Variants in KLHL29 observed in about 807,000 individuals in gnomAD.
KLHL29 encodes the protein kelch-like protein 29.
Under a neutral mutation model 80.4 loss-of-function variants are expected in KLHL29, and 21 were observed. The observed-to-expected ratio is 0.26, with a 90% CI of 0.19 to 0.38. The LOEUF is 0.38. KLHL29 is among the 10% of genes least tolerant of loss of function. The pLI, the probability that KLHL29 is intolerant of heterozygous loss-of-function variation, is 1.00. For synonymous variants in KLHL29, 511 were observed against 526.8 expected, an observed-to-expected ratio of 0.97 and a Z score of 0.41; for missense variants, 867 against 1,223.9, an observed-to-expected ratio of 0.71 and a Z score of 4.35.
chr2:23,508,660 G>A (rs1331891129), intron 2 of KLHL29, among the ~76,000 whole-genome samples: 2 of 152,222 alleles, frequency 1.3e-5, no homozygotes, highest in East Asian at 1.9e-4. Flanking sequence ...CGGGATCCCC[G>A]CATCTTGCAG....
intron 3 of KLHL29, among the ~76,000 whole-genome samples, chr2:23,635,519 G>C (rs953692641): frequency 2.0e-5 from 3 of 152,230 alleles, no homozygotes; most frequent in Admixed American, 2.0e-4. Flanking sequence ...AGCTTCAACC[G>C]TAGAGGCCCT....
rs1572460125 is a variant in KLHL29 at position 23,642,549 on chromosome 2, A to G, written c.639A>G (p.Pro213=). The G allele has an allele frequency of 1.3e-6, 2 of 1,542,508 alleles. No individual in the cohort carries two copies. Among genetic ancestry groups the G allele is most frequent in the South Asian group, 1.2e-5 (1 of 83,730 alleles). Residue 213 remains proline, a synonymous_variant, in exon 5 of 14, where the codon CCA becomes CCG. Coordinates refer to ENST00000486442, the MANE Select transcript of KLHL29 (RefSeq NM_052920.2). The part of the protein sequence containing the change: ...HYSLPQPPSQ[P]LSSVVVNMPA... ...CGCTCCCTCAGCCGCCCTCTCAGCC[A>G]CTGAGCAGCGTGGTGGTCAACATGC...
At chr2:23,553,500 A>G (rs1254685382) in intron 2 of KLHL29, among the ~76,000 whole-genome samples, 2 of 152,172 alleles carry the variant, frequency 1.3e-5, no homozygotes, top group Admixed American at 6.5e-5. Context: ...GCTGGCACCT[A>G]CACGTGGCCC....
intron 3 of KLHL29, among the ~76,000 whole-genome samples, chr2:23,636,456 A>G (rs978984028): frequency 2.0e-5 from 3 of 152,060 alleles, no homozygotes; most frequent in Admixed American, 2.0e-4. Context: ...ATACATAAGA[A>G]ATTGCTTGTA....
At chr2:23,429,543 C>T (rs893313282) in intron 1 of KLHL29, among the ~76,000 whole-genome samples, 14 of 152,026 alleles carry the variant, frequency 9.2e-5, no homozygotes, top group African/African-American at 3.1e-4. Flanking sequence ...ACCTGAGGTC[C>T]GGAGTTTGAG....
intron 1 of KLHL29, among the ~76,000 whole-genome samples, chr2:23,456,668 A>G (rs960371475): frequency 5.3e-5 from 8 of 152,186 alleles, no homozygotes; most frequent in African/African-American, 1.9e-4. Flanking sequence ...TTCCTGCCAC[A>G]TTGCACGCTT....
chr2:23,620,277 T>G (rs1022816551), intron 3 of KLHL29, among the ~76,000 whole-genome samples: 1 of 152,164 alleles, frequency 6.6e-6, no homozygotes, highest in Admixed American at 6.5e-5. Context: ...ACTCGATCCC[T>G]TCGACAATGG....
At chr2:23,600,751 G>A (rs1172294005) in intron 3 of KLHL29, among the ~76,000 whole-genome samples, 1 of 152,218 alleles carries the variant, frequency 6.6e-6, no homozygotes, top group Non-Finnish European at 1.5e-5. Context: ...ATCAGGTTGG[G>A]AGAGGGGAAA....
intron 1 of KLHL29, among the ~76,000 whole-genome samples, chr2:23,427,526 G>A (rs925029901): frequency 6.6e-6 from 1 of 152,160 alleles, no homozygotes; most frequent in Non-Finnish European, 1.5e-5. Context: ...GGCCACATCC[G>A]TGTTTATTAG....
rs149967685 is a variant in KLHL29 at position 23,691,985 on chromosome 2, C to T, written c.1282+109C>T. 8.4e-5 allele frequency: 91 copies of T among 1,084,796 alleles called. No individual in the cohort carries two copies. The African/African-American group carries it at 1.3e-3, about 15-fold the overall frequency. The allele number at this position is 1,084,796 out of a possible 1,614,324, so 67.2% of individuals were successfully genotyped here. On this transcript the variant is annotated intron_variant, in intron 7 of 13. Coordinates refer to ENST00000486442, the MANE Select transcript of KLHL29 (RefSeq NM_052920.2). ...GAGGTCTGTGTGTGCACACCTGAAG[C>T]TCCCTCACATGTGGCTGAGTTTGGC...
intron 2 of KLHL29, among the ~76,000 whole-genome samples, chr2:23,541,413 T>C (rs899469995): frequency 1.3e-5 from 2 of 152,214 alleles, no homozygotes; most frequent in African/African-American, 4.8e-5. Context: ...GCCTGTCTTA[T>C]GGTCTCAGAT....
chr2:23,574,284 G>C (rs994987121), intron 3 of KLHL29, among the ~76,000 whole-genome samples: 1 of 152,136 alleles, frequency 6.6e-6, no homozygotes, highest in Non-Finnish European at 1.5e-5. Context: ...GCTGCTAGGA[G>C]TGATGAAAAG....
chr2:23,451,668 C>T (rs725507), intron 1 of KLHL29, among the ~76,000 whole-genome samples: 16,941 of 152,132 alleles, frequency 0.11, 1,910 homozygotes, highest in East Asian at 0.29. Flanking sequence ...AGGTGGGAGA[C>T]GGAGGGATTT....
At chr2:23,704,557 AG>A (rs1672596971) in intron 13 of KLHL29, among the ~76,000 whole-genome samples, 1 of 152,242 alleles carries the variant, frequency 6.6e-6, no homozygotes, top group African/African-American at 2.4e-5. Context: ...AGTTGAGATC[AG>A]GAGTTCAAGA....
intron 5 of KLHL29, among the ~76,000 whole-genome samples, chr2:23,676,546 T>G (rs1195539121): frequency 6.6e-6 from 1 of 152,206 alleles, no homozygotes; most frequent in African/African-American, 2.4e-5. Context: ...ATCCCAATGC[T>G]TTGAGAAGCC....
rs1424289264 is a variant in KLHL29, at chr2:23,669,864, G to A, written c.941-14535G>A. On this transcript the variant is annotated intron_variant, in intron 5 of 13. Transcript: ENST00000486442. The surrounding 1 kb of genome is among the most constrained non-coding windows in gnomAD (Gnocchi z 4.3). ...TTGGATTTGTAAAAACAGGGCCGTG[G>A]TATTATCACAGAATCTGGTAGGTTC... Among the ~76,000 whole-genome samples, 1 of 152,154 alleles carries A rather than the reference G, an allele frequency of 6.6e-6. No individual in the cohort carries two copies. Among genetic ancestry groups the A allele is most frequent in the African/African-American group, 2.4e-5 (1 of 41,422 alleles).
chr2:23,706,788 C>T lies in KLHL29; in HGVS notation c.*124C>T. On this transcript the variant is annotated 3_prime_UTR_variant, in exon 14 of 14. Transcript: ENST00000486442. ...ACACAATCAAGGAACTCACTGCGCT[C>T]AACATGTTGAATATTCTCTACATTG... 1 of 635,796 alleles carries T rather than the reference C, an allele frequency of 1.6e-6. No homozygotes were observed. The highest frequency in any genetic ancestry group is 3.4e-5 in the Admixed American group (1 of 29,170). 39.4% of individuals were successfully genotyped at this position (635,796 alleles called of 1,614,324 possible).
rs143387929 is a variant in KLHL29, at chr2:23,687,063, G to A, written c.1079+2526G>A. On this transcript the variant is annotated intron_variant, in intron 6 of 13. Coordinates refer to ENST00000486442, the MANE Select transcript of KLHL29 (RefSeq NM_052920.2). ...TGTCTTTTCAGTCCCCTTGGCATCC[G>A]TGACCCTGGAGACTTACTGTGCAGT... 9.2e-4 allele frequency among the ~76,000 whole-genome samples: 140 copies of A among 152,278 alleles called. 1 individual carries two copies. The East Asian group carries it at 0.018, about 19-fold the overall frequency.
intron 6 of KLHL29, chr2:23,690,880 TC>T (rs1558442250): frequency 6.6e-6 from 1 of 151,974 alleles, no homozygotes; most frequent in Non-Finnish European, 1.5e-5. Flanking sequence ...CCTCCCCTGC[TC>T]CCCCCAGTTC....
Sources: allele counts gnomAD v4.1 joint callset (sites outside exome capture counted in the v4.1 genomes callset), GRCh38; gene constraint gnomAD v4.1.1; non-coding constraint Gnocchi (gnomAD v3.1); transcripts MANE v1.5; gene names NCBI Gene and HGNC (gene_info 2026-07-23, HGNC 2026-07-21).